The following ROR1 variants were observed in gnomAD, a reference collection of about 807,000 sequenced individuals.
ROR1 encodes the protein inactive tyrosine-protein kinase transmembrane receptor ROR1.
ROR1 carries 19 observed loss-of-function variants against 78.8 expected under a neutral mutation model. The ratio of observed to expected loss-of-function variants is 0.24; its 90% CI spans 0.17 to 0.35. The LOEUF (loss-of-function observed/expected upper bound fraction) is 0.35, where lower values mean the gene tolerates loss of function less well. Ranked by LOEUF, ROR1 falls within the 10% of genes least tolerant of loss-of-function variation. ROR1 has a pLI of 1.00. For missense variants in ROR1, 917 were observed against 1,177.8 expected, an observed-to-expected ratio of 0.78 and a Z score of 3.24; for synonymous variants, 386 against 433.6, an observed-to-expected ratio of 0.89 and a Z score of 1.36.
chr1:63,873,465 G>A (rs1330808665), intron 1 of ROR1, among the ~76,000 whole-genome samples: 1 of 152,100 alleles, frequency 6.6e-6, no homozygotes, highest in Non-Finnish European at 1.5e-5. Context: ...GAAGGAGTGA[G>A]CAGGCCTAGG....
intron 1 of ROR1, among the ~76,000 whole-genome samples, chr1:63,808,398 G>A (rs1569747054): frequency 6.6e-6 from 1 of 152,228 alleles, no homozygotes; most frequent in African/African-American, 2.4e-5. Flanking sequence ...CTGAATAACT[G>A]AACTGTTTTT....
intron 4 of ROR1, chr1:64,095,090 GT>G (rs1222886055): frequency 6.6e-6 from 1 of 152,092 alleles, no homozygotes; most frequent in African/African-American, 2.4e-5. Flanking sequence ...AGTCCTCTTT[GT>G]TTATACTGAA....
At position 64,180,088 on chromosome 1, in the gene ROR1, A is replaced by G. The variant is rs555783480; in HGVS notation, c.*1233A>G. On this transcript the variant is annotated 3_prime_UTR_variant, in exon 9 of 9. Coordinates refer to ENST00000371079, the MANE Select transcript of ROR1 (RefSeq NM_005012.4). ...CTGAGTTCTCATTTCAAAAGTTACC[A>G]AGAACTGAATTCTTTAAACTAGCAA... is the stretch of plus-strand genomic sequence containing the variant. 6.6e-6 allele frequency: 1 copy of G among 152,338 alleles called. No individual in the cohort carries two copies. Among genetic ancestry groups the G allele is most frequent in the East Asian group, 1.9e-4 (1 of 5,176 alleles). 9.4% of individuals were successfully genotyped at this position (152,338 alleles called of 1,614,324 possible).
At chr1:63,828,911 G>T (rs1306316847) in intron 1 of ROR1, among the ~76,000 whole-genome samples, 1 of 152,162 alleles carries the variant, frequency 6.6e-6, no homozygotes. Flanking sequence ...CTGGGTCTTT[G>T]TTCAGATTAT....
At chr1:63,916,866 C>T (rs570460189) in intron 1 of ROR1, among the ~76,000 whole-genome samples, 31 of 152,292 alleles carry the variant, frequency 2.0e-4, no homozygotes, top group Non-Finnish European at 4.0e-4. Flanking sequence ...TCAATTTCTC[C>T]TATAAAGCCC....
intron 1 of ROR1, among the ~76,000 whole-genome samples, chr1:63,959,123 G>A (rs1344468961): frequency 6.6e-6 from 1 of 152,140 alleles, no homozygotes; most frequent in Admixed American, 6.5e-5. Context: ...ATGACTGAAG[G>A]GGAAGCAAAC....
At chr1:63,775,278 A>G (rs1644609321) in intron 1 of ROR1, 1 of 152,218 alleles carries the variant, frequency 6.6e-6, no homozygotes, top group African/African-American at 2.4e-5. Flanking sequence ...CGCAACAGTT[A>G]GAGAAAGACT....
At chr1:64,130,351 G>C (rs1290190026) in intron 4 of ROR1, among the ~76,000 whole-genome samples, 1 of 152,096 alleles carries the variant, frequency 6.6e-6, no homozygotes, top group African/African-American at 2.4e-5. Context: ...CTCACTTTCA[G>C]ACCGGTCTTT....
chr1:63,781,099 AG>A (rs975569059), intron 1 of ROR1, among the ~76,000 whole-genome samples: 20 of 152,330 alleles, frequency 1.3e-4, no homozygotes, highest in African/African-American at 4.8e-4. Context: ...GACAAAGCAG[AG>A]GTTGGGTTTG....
At chr1:64,062,513 G>A (rs186696389) in intron 4 of ROR1, among the ~76,000 whole-genome samples, 107 of 152,062 alleles carry the variant, frequency 7.0e-4, no homozygotes, top group African/African-American at 2.4e-3. Context: ...GGGTTTCACC[G>A]TGTTAGCCAG....
intron 4 of ROR1, among the ~76,000 whole-genome samples, chr1:64,080,335 C>T (rs972854789): frequency 1.3e-5 from 2 of 152,142 alleles, no homozygotes; most frequent in African/African-American, 4.8e-5. Flanking sequence ...AGCCCTACAG[C>T]GCACAGGACA....
At chr1:63,850,147 C>T (rs1645105651) in intron 1 of ROR1, among the ~76,000 whole-genome samples, 1 of 152,228 alleles carries the variant, frequency 6.6e-6, no homozygotes, top group Admixed American at 6.5e-5. Flanking sequence ...ACCTGTCATA[C>T]ATCTTGCTAT....
At chr1:64,087,357 G>A (rs11208349) in intron 4 of ROR1, among the ~76,000 whole-genome samples, 34,564 of 152,184 alleles carry the variant, frequency 0.23, 5,693 homozygotes, top group African/African-American at 0.47. Flanking sequence ...TATACAAAAC[G>A]TAAGTACGAA....
chr1:63,929,787 C>T (rs537202591), intron 1 of ROR1, among the ~76,000 whole-genome samples: 48 of 152,224 alleles, frequency 3.2e-4, no homozygotes, highest in African/African-American at 1.0e-3. Context: ...CTCATGTGAT[C>T]ATCCTGCCTT....
At chr1:63,899,094 T>C (rs1307182763) in intron 1 of ROR1, among the ~76,000 whole-genome samples, 1 of 152,048 alleles carries the variant, frequency 6.6e-6, no homozygotes, top group East Asian at 1.9e-4. Flanking sequence ...CAGGCCAGGT[T>C]CTGTGCAGCC....
At chr1:63,848,144 A>C (rs953325167) in intron 1 of ROR1, among the ~76,000 whole-genome samples, 1 of 152,204 alleles carries the variant, frequency 6.6e-6, no homozygotes, top group Non-Finnish European at 1.5e-5. Context: ...CTCTGTTATT[A>C]ATAAAGAGGT....
chr1:64,156,954 G>A (rs1569864538), intron 7 of ROR1, among the ~76,000 whole-genome samples: 1 of 152,010 alleles, frequency 6.6e-6, no homozygotes, highest in Admixed American at 6.6e-5. Flanking sequence ...CATGTCCTTG[G>A]GCAACTTACT....
chr1:64,086,038 G>T (rs1007010128), intron 4 of ROR1, among the ~76,000 whole-genome samples: 2 of 152,118 alleles, frequency 1.3e-5, no homozygotes, highest in Non-Finnish European at 2.9e-5. Context: ...GGGACATATG[G>T]GTGAATGCAG....
intron 1 of ROR1, among the ~76,000 whole-genome samples, chr1:63,925,554 G>C (rs1645695608): frequency 6.6e-6 from 1 of 152,100 alleles, no homozygotes; most frequent in Non-Finnish European, 1.5e-5. Flanking sequence ...GGGCCAAATG[G>C]TATTTCCAGT....
Sources: allele counts gnomAD v4.1 joint callset (sites outside exome capture counted in the v4.1 genomes callset), GRCh38; gene constraint gnomAD v4.1.1; transcripts MANE v1.5; gene names NCBI Gene and HGNC (gene_info 2026-07-23, HGNC 2026-07-21).